MFHAS1: variants seen among roughly 807,000 people sequenced by gnomAD.
MFHAS1 encodes malignant fibrous histiocytoma-amplified sequence 1.
A neutral mutation model predicts 70.4 loss-of-function variants in MFHAS1; 50 were observed. That is an observed-to-expected ratio of 0.71 (90% CI 0.57 to 0.90). The LOEUF (loss-of-function observed/expected upper bound fraction) is 0.90, where lower values mean the gene tolerates loss of function less well. Among genes scored for constraint, MFHAS1 ranks in the 40% least tolerant of loss-of-function variants. The pLI, the probability that MFHAS1 is intolerant of heterozygous loss-of-function variation, is 0.00. For synonymous variants in MFHAS1, 952 were observed against 620.0 expected, an observed-to-expected ratio of 1.54 and a Z score of -7.96; for missense variants, 1,795 against 1,347.6, an observed-to-expected ratio of 1.33 and a Z score of -5.20.
intron 1 of MFHAS1, among the ~76,000 whole-genome samples, chr8:8,843,222 T>C (rs1257305976): frequency 6.6e-6 from 1 of 150,808 alleles, no homozygotes; most frequent in African/African-American, 2.5e-5. Flanking sequence ...TGAGCCGAGA[T>C]TGCGCCACTG....
chr8:8,817,900 T>C (rs528601250), intron 1 of MFHAS1, among the ~76,000 whole-genome samples: 3 of 152,264 alleles, frequency 2.0e-5, no homozygotes, highest in Non-Finnish European at 4.4e-5. Flanking sequence ...GGGGAGCAGC[T>C]ATAAACACAG....
intron 1 of MFHAS1, among the ~76,000 whole-genome samples, chr8:8,857,397 A>C (rs1375875741): frequency 2.0e-5 from 3 of 152,128 alleles, no homozygotes; most frequent in Non-Finnish European, 2.9e-5. Flanking sequence ...CAAACCTGTG[A>C]ATTTTCTGGG....
intron 1 of MFHAS1, among the ~76,000 whole-genome samples, chr8:8,844,532 GAC>G (rs1807955900): frequency 6.6e-6 from 1 of 152,148 alleles, no homozygotes; most frequent in African/African-American, 2.4e-5. Context: ...ATCTAAAAAT[GAC>G]ACAACTGGCG....
In MFHAS1 at chr8:8,890,102, T is replaced by G. The variant is rs771715203; in HGVS notation, c.2957A>C (p.Lys986Thr). 6.2e-7 allele frequency: 1 copy of G among 1,613,298 alleles called. No homozygotes were observed. The highest frequency in any genetic ancestry group is 1.7e-5 in the Admixed American group (1 of 59,960). ...ATTGGGCGATCCTCTCTTAAGGCAC[T>G]TAGAACAGAGAATGTGCACGGTGTA... Reference protein sequence around the residue: ...LHYTVHILCSKCLKRGSPNPH... With the variant: ...LHYTVHILCSTCLKRGSPNPH... Residue 986 changes from lysine (K) to threonine (T), a missense_variant, in exon 1 of 3, where the codon AAG (lysine) becomes ACG (threonine). By Grantham distance (78) the Lys-to-Thr change is moderately conservative. Transcript: ENST00000276282.
intron 1 of MFHAS1, among the ~76,000 whole-genome samples, chr8:8,801,389 T>C (rs1037739962): frequency 6.6e-6 from 1 of 152,180 alleles, no homozygotes; most frequent in African/African-American, 2.4e-5. Context: ...TGGAAGGCAC[T>C]GAGAAGTTTC....
At chr8:8,854,780 C>T (rs974733434) in intron 1 of MFHAS1, among the ~76,000 whole-genome samples, 2 of 152,104 alleles carry the variant, frequency 1.3e-5, no homozygotes, top group African/African-American at 2.4e-5. Context: ...TCGTTGCTTA[C>T]GTGAAATTCA....
At position 8,891,769 on chromosome 8, in the gene MFHAS1, G is replaced by T. The variant is rs750109532; in HGVS notation, c.1290C>A (p.Thr430=). Residue 430 remains threonine, a synonymous_variant, in exon 1 of 3, where the codon ACC becomes ACA. Coordinates refer to ENST00000276282, the MANE Select transcript of MFHAS1 (RefSeq NM_004225.3). This position sits in a 1 kb window ranked among gnomAD's most constrained non-coding sequence, Gnocchi z 5.4. ...AGKTLLRHCL[T]EERVEGCPGG... ...CTGGGCATCCCTCCACTCTCTCCTC[G>T]GTGAGGCAGTGGCGCAGCAAAGTCT... The T allele has an allele frequency of 7.4e-6, 12 of 1,613,316 alleles. No homozygotes were observed. Among genetic ancestry groups the T allele is most frequent in the Admixed American group, 1.7e-5 (1 of 60,026 alleles).
chr8:8,841,978 G>A (rs1042086247), intron 1 of MFHAS1, among the ~76,000 whole-genome samples: 1 of 152,200 alleles, frequency 6.6e-6, no homozygotes, highest in Non-Finnish European at 1.5e-5. Flanking sequence ...AGCAAGGCAT[G>A]CAGTTAAAAA....
intron 1 of MFHAS1, among the ~76,000 whole-genome samples, chr8:8,799,979 A>C (rs1386340867): frequency 4.6e-5 from 7 of 152,224 alleles, no homozygotes; most frequent in Admixed American, 4.6e-4. Flanking sequence ...GCTAACCAGC[A>C]GCAGACTTGG....
At chr8:8,787,004 G>A (rs1402869451) in intron 2 of MFHAS1, among the ~76,000 whole-genome samples, 1 of 151,890 alleles carries the variant, frequency 6.6e-6, no homozygotes, top group Non-Finnish European at 1.5e-5. Context: ...CAGGAATTAG[G>A]TTGTTCACTC....
chr8:8,827,559 TTAAC>T (rs1435584916), intron 1 of MFHAS1, among the ~76,000 whole-genome samples: 1 of 152,276 alleles, frequency 6.6e-6, no homozygotes, highest in Non-Finnish European at 1.5e-5. Context: ...GAACATTGGT[TTAAC>T]TATTCCATTT....
At chr8:8,834,319 T>C (rs1477797360) in intron 1 of MFHAS1, among the ~76,000 whole-genome samples, 1 of 152,198 alleles carries the variant, frequency 6.6e-6, no homozygotes, top group Non-Finnish European at 1.5e-5. Flanking sequence ...GTTGCCTAAG[T>C]GTTCCATGTT....
chr8:8,854,951 C>T (rs190048181), intron 1 of MFHAS1, among the ~76,000 whole-genome samples: 40 of 152,060 alleles, frequency 2.6e-4, no homozygotes, highest in Middle Eastern at 6.8e-3. Flanking sequence ...ACTCTATACC[C>T]CACGCTGGAG....
chr8:8,884,948 G>A (rs1809694120), intron 1 of MFHAS1, among the ~76,000 whole-genome samples: 1 of 151,370 alleles, frequency 6.6e-6, no homozygotes, highest in Non-Finnish European at 1.5e-5. Context: ...GTGAGACCCT[G>A]CCCCCACCCC....
intron 1 of MFHAS1, among the ~76,000 whole-genome samples, chr8:8,832,505 G>C (rs931847372): frequency 2.0e-5 from 3 of 151,206 alleles, no homozygotes; most frequent in African/African-American, 2.4e-5. Context: ...CTCATCATTA[G>C]CTATCAGAAA....
chr8:8,855,877 T>C (rs749076850), intron 1 of MFHAS1, among the ~76,000 whole-genome samples: 3 of 152,074 alleles, frequency 2.0e-5, no homozygotes, highest in Non-Finnish European at 2.9e-5. Context: ...AAACAAAAAA[T>C]TATGCTTTCT....
chr8:8,828,592 T>C lies in MFHAS1; in HGVS notation c.2999-31101A>G, dbSNP rs1016430307. On this transcript the variant is annotated intron_variant, in intron 1 of 2. Transcript: ENST00000276282. ...CAGACACGACCAGTTAAGGGGAATA[T>C]CAACTAGACCACTCCACGGAGGAAA... 9.9e-5 allele frequency among the ~76,000 whole-genome samples: 15 copies of C among 152,078 alleles called. 1 individual carries two copies. Among genetic ancestry groups the C allele is most frequent in the African/African-American group, 3.6e-4 (15 of 41,382 alleles).
intron 1 of MFHAS1, among the ~76,000 whole-genome samples, chr8:8,815,903 C>A (rs1806723706): frequency 6.6e-6 from 1 of 152,130 alleles, no homozygotes; most frequent in Non-Finnish European, 1.5e-5. Flanking sequence ...TGAAGGAATA[C>A]AAGTGTCCGT....
intron 1 of MFHAS1, among the ~76,000 whole-genome samples, chr8:8,869,551 C>T (rs906032368): frequency 6.6e-6 from 1 of 152,048 alleles, no homozygotes; most frequent in Non-Finnish European, 1.5e-5. Flanking sequence ...GCTTACAAAC[C>T]TAAGACTATA....
Sources: gnomAD v4.1 joint callset for allele counts (sites outside exome capture counted in the v4.1 genomes callset) on GRCh38, gnomAD v4.1.1 for gene constraint, Gnocchi (gnomAD v3.1) non-coding constraint, MANE v1.5 for transcripts, NCBI Gene and HGNC (gene_info 2026-07-23, HGNC 2026-07-21) for gene names.